The following DMXL1 variants were observed in gnomAD, a reference collection of about 807,000 sequenced individuals.
The protein encoded by DMXL1 is dmX-like protein 1.
Under a neutral mutation model 319.2 loss-of-function variants are expected in DMXL1, and 99 were observed. The ratio of observed to expected loss-of-function variants is 0.31; its 90% confidence interval spans 0.26 to 0.37. The LOEUF (loss-of-function observed/expected upper bound fraction) is 0.37, where lower values mean the gene tolerates loss of function less well. Among genes scored for constraint, DMXL1 ranks in the 10% least tolerant of loss-of-function variants. The pLI, the probability that DMXL1 is intolerant of heterozygous loss-of-function variation, is 1.00. For synonymous variants in DMXL1, 1,385 were observed against 1,235.2 expected, an observed-to-expected ratio of 1.12 and a Z score of -2.54; for missense variants, 3,745 against 3,595.6, an observed-to-expected ratio of 1.04 and a Z score of -1.06.
At chr5:119,141,595 A>G (rs1767355670) in intron 13 of DMXL1, among the ~76,000 whole-genome samples, 1 of 152,166 alleles carries the variant, frequency 6.6e-6, no homozygotes, top group African/African-American at 2.4e-5. Flanking sequence ...GCTCAGATAA[A>G]TCAGAGAAGA....
chr5:119,226,379 A>T (rs1212559758), intron 38 of DMXL1, among the ~76,000 whole-genome samples: 1 of 152,210 alleles, frequency 6.6e-6, no homozygotes, highest in Non-Finnish European at 1.5e-5. Flanking sequence ...ATTAGTCTGA[A>T]GTTCAGATAC....
At chr5:119,185,685 T>C (rs1259712264) in intron 28 of DMXL1, among the ~76,000 whole-genome samples, 1 of 152,072 alleles carries the variant, frequency 6.6e-6, no homozygotes, top group Non-Finnish European at 1.5e-5. Flanking sequence ...GTATTTTTAG[T>C]AGAGATGAGG....
chr5:119,219,039 G>T (rs1784188245), intron 35 of DMXL1, among the ~76,000 whole-genome samples: 1 of 152,136 alleles, frequency 6.6e-6, no homozygotes, highest in African/African-American at 2.4e-5. Flanking sequence ...AGTGGATGCT[G>T]TTAGAAGACA....
At chr5:119,076,426 G>A (rs534585767) in intron 1 of DMXL1, among the ~76,000 whole-genome samples, 1 of 152,090 alleles carries the variant, frequency 6.6e-6, no homozygotes, top group East Asian at 1.9e-4. Flanking sequence ...AAGGGGGCAT[G>A]TGAATCTTTT....
intron 30 of DMXL1, among the ~76,000 whole-genome samples, chr5:119,195,306 A>T (rs1779421128): frequency 6.6e-6 from 1 of 152,228 alleles, no homozygotes; most frequent in African/African-American, 2.4e-5. Context: ...CCATGTTCTT[A>T]GCAGCATTAT....
rs34589863 is a variant in DMXL1, at chr5:119,124,563, C to CTT, written c.1102+3444_1102+3445dup. 1.4e-3 allele frequency among the ~76,000 whole-genome samples: 145 copies of CTT among 102,954 alleles called. 3 individuals carry two copies. The highest frequency in any genetic ancestry group is 4.8e-3 in the East Asian group (13 of 2,696). 67.5% of individuals were successfully genotyped at this position (102,954 alleles called of 152,430 possible). A position where few individuals can be genotyped will look rare whatever the true frequency, so the allele number is the denominator to read the frequency against. On this transcript the variant is annotated intron_variant, in intron 9 of 43. Coordinates refer to ENST00000539542, the MANE Select transcript of DMXL1 (RefSeq NM_001290321.3). ...AGTTCCTTTGACATTATGGTGATGA[C>CTT]TTTTTTTTTTTTTTTTTTTTTGAGA...
intron 31 of DMXL1, 85 bp from the exon 32 acceptor site, chr5:119,197,669 CT>C: frequency 8.4e-7 from 1 of 1,195,662 alleles, no homozygotes; most frequent in South Asian, 1.3e-5. Context: ...TGCATCTGCT[CT>C]CCCCTCTCTC....
chr5:119,092,397 G>T (rs73242915), intron 1 of DMXL1, among the ~76,000 whole-genome samples: 2,488 of 152,018 alleles, frequency 0.016, 64 homozygotes, highest in African/African-American at 0.057. Flanking sequence ...TGGGATTACA[G>T]GTGCAATGTT....
chr5:119,186,409 C>T (rs1777726969), intron 28 of DMXL1, among the ~76,000 whole-genome samples: 1 of 152,084 alleles, frequency 6.6e-6, no homozygotes, highest in Admixed American at 6.6e-5. Context: ...AGGCATGTGC[C>T]ACCATGCCCA....
chr5:119,234,555 A>G (rs1787373861), intron 39 of DMXL1, among the ~76,000 whole-genome samples: 1 of 152,152 alleles, frequency 6.6e-6, no homozygotes, highest in South Asian at 2.1e-4. Flanking sequence ...TAGTTGTGAA[A>G]CAAAATTTTG....
intron 1 of DMXL1, among the ~76,000 whole-genome samples, chr5:119,080,928 CA>C (rs1752059762): frequency 6.6e-6 from 1 of 152,102 alleles, no homozygotes; most frequent in African/African-American, 2.4e-5. Flanking sequence ...CCTCCCTAGG[CA>C]AAAAAGATGT....
At chr5:119,109,727 G>A (rs758561923) in intron 4 of DMXL1, among the ~76,000 whole-genome samples, 14 of 151,978 alleles carry the variant, frequency 9.2e-5, no homozygotes, top group African/African-American at 3.1e-4. Flanking sequence ...ACTTTTCCTG[G>A]CACTTTTACT....
At chr5:119,128,882 G>A (rs1247357898) in intron 9 of DMXL1, among the ~76,000 whole-genome samples, 1 of 152,050 alleles carries the variant, frequency 6.6e-6, no homozygotes, top group African/African-American at 2.4e-5. Flanking sequence ...TGGCCAGCGT[G>A]GTGAAACCCT....
chr5:119,146,947 G>A lies in DMXL1; in HGVS notation c.2680G>A (p.Val894Ile). 1 of 1,612,192 alleles carries A rather than the reference G, an allele frequency of 6.2e-7. No individual in the cohort carries two copies. The highest frequency in any genetic ancestry group is 1.1e-5 in the South Asian group (1 of 90,880). ...GAATTTACATCTAAAGTCAATTCCT[G>A]TCTCATTAGGTGAGTCTTTTGTGTG... is the stretch of plus-strand genomic sequence containing the variant. The part of the protein sequence containing the change: ...MWNLHLKSIP[V>I]SLDEKVDTKL... The change falls in exon 16 of 44, where the codon GTC (valine) becomes ATC (isoleucine). Residue 894 changes from valine to isoleucine, a missense_variant. Physicochemically the swap from Val to Ile is conservative, Grantham distance 29 (BLOSUM62 3). Around this residue, in one of 4 missense-constraint regions of DMXL1, gnomAD observed 2,096 missense variants for 1,985.4 expected, o/e 1.06. Transcript: ENST00000539542.
chr5:119,130,542 C>T (rs1018152715), intron 10 of DMXL1, among the ~76,000 whole-genome samples: 1 of 152,052 alleles, frequency 6.6e-6, no homozygotes, highest in South Asian at 2.1e-4. Context: ...AGGGTTTCAC[C>T]ATGTTAGTCA....
chr5:119,245,761 A>G (rs868704574), intron 43 of DMXL1, among the ~76,000 whole-genome samples: 1 of 151,984 alleles, frequency 6.6e-6, no homozygotes, highest in Non-Finnish European at 1.5e-5. Flanking sequence ...GATGGTCTCG[A>G]TCTCCTGACC....
intron 29 of DMXL1, among the ~76,000 whole-genome samples, chr5:119,190,520 C>T (rs1409219974): frequency 6.6e-6 from 1 of 152,134 alleles, no homozygotes; most frequent in African/African-American, 2.4e-5. Context: ...AGTTGTTTTG[C>T]TTCATCTCCT....
At chr5:119,072,247 T>A (rs1749768498) in intron 1 of DMXL1, among the ~76,000 whole-genome samples, 1 of 152,154 alleles carries the variant, frequency 6.6e-6, no homozygotes, top group Non-Finnish European at 1.5e-5. Flanking sequence ...AACCTGGTAA[T>A]CCCAGGTTAA....
At chr5:119,196,141 A>C (rs901434452) in intron 30 of DMXL1, among the ~76,000 whole-genome samples, 1 of 152,168 alleles carries the variant, frequency 6.6e-6, no homozygotes, top group African/African-American at 2.4e-5. Flanking sequence ...CATAGGTCAA[A>C]AATAGTTATT....
Sources: allele counts gnomAD v4.1 joint callset (sites outside exome capture counted in the v4.1 genomes callset), GRCh38; gene constraint gnomAD v4.1.1; regional missense constraint gnomAD v4.1.1; transcripts MANE v1.5; gene names NCBI Gene and HGNC (gene_info 2026-07-23, HGNC 2026-07-21).